GBF1: variants seen among roughly 807,000 people sequenced by gnomAD.
GBF1 encodes Golgi-specific brefeldin A-resistance guanine nucleotide exchange factor 1.
Under a neutral mutation model 210.5 loss-of-function variants are expected in GBF1, and 114 were observed. The observed-to-expected ratio is 0.54, with a 90% CI of 0.47 to 0.63. The LOEUF (loss-of-function observed/expected upper bound fraction) is 0.63, where lower values mean the gene tolerates loss of function less well. GBF1 is among the 30% of genes least tolerant of loss of function. The pLI is 0.00. For missense variants in GBF1, 1,851 were observed against 2,357.7 expected (o/e 0.79, Z 4.45); for synonymous variants, 850 against 889.2 (o/e 0.96, Z 0.78).
At chr10:102,318,823 A>G (rs1213437207) in intron 3 of GBF1, among the ~76,000 whole-genome samples, 2 of 152,204 alleles carry the variant, frequency 1.3e-5, no homozygotes, top group African/African-American at 4.8e-5. Flanking sequence ...TCCTACATGT[A>G]GATATAGCAC....
chr10:102,369,793 G>A lies in GBF1; in HGVS notation c.3215+18G>A. ...TCAAACCGGTAAGAGCAGACCAGAG[G>A]CTCAGGGGCTTGGGGAGGGAGAGTC... On this transcript the variant is annotated intron_variant, in intron 25 of 39. Transcript: ENST00000369983. 1.2e-6 allele frequency: 2 copies of A among 1,614,118 alleles called. No individual in the cohort carries two copies. Among genetic ancestry groups the A allele is most frequent in the Non-Finnish European group, 1.7e-6 (2 of 1,179,980 alleles).
chr10:102,262,936 C>T (rs952872167), intron 3 of GBF1, among the ~76,000 whole-genome samples: 4 of 152,092 alleles, frequency 2.6e-5, no homozygotes, highest in African/African-American at 9.7e-5. Flanking sequence ...TAAGCTTTCC[C>T]CTGGAGTGAG....
the GBF1 span, chr10:102,230,822 A>G: frequency 1.3e-6 from 2 of 1,572,222 alleles, no homozygotes; most frequent in Non-Finnish European, 1.7e-6. Flanking sequence ...GCCGCGGCGG[A>G]GGGCACCATG....
intron 5 of GBF1, 54 bp downstream of exon 5, chr10:102,351,428 ACTCT>A (rs1481108519): frequency 1.2e-5 from 11 of 925,172 alleles, no homozygotes; most frequent in Non-Finnish European, 2.0e-5. Flanking sequence ...GGTGCCGCAG[ACTCT>A]ACTTACTCTG....
chr10:102,364,184 T>C (rs1000909583), intron 17 of GBF1, among the ~76,000 whole-genome samples: 1 of 150,742 alleles, frequency 6.6e-6, no homozygotes, highest in African/African-American at 2.4e-5. Context: ...GTTCAAATAG[T>C]AAGGTTCAAA....
intron 27 of GBF1, 49 bp downstream of exon 27, chr10:102,370,294 G>C: frequency 6.8e-7 from 1 of 1,480,648 alleles, no homozygotes; most frequent in Non-Finnish European, 9.5e-7. Context: ...AATCTGGGAG[G>C]GGTGACAGGG....
At chr10:102,339,530 G>A (rs187434317) in intron 3 of GBF1, among the ~76,000 whole-genome samples, 363 of 151,486 alleles carry the variant, frequency 2.4e-3, no homozygotes, top group African/African-American at 6.7e-3. Context: ...AACTGGGCGT[G>A]GTGGCACGTT....
chr10:102,379,258 C>T (rs2060697578), intron 33 of GBF1, 26 bp from the exon 34 acceptor site: 1 of 1,607,264 alleles, frequency 6.2e-7, no homozygotes, highest in Admixed American at 1.7e-5. Context: ...ACCCCACTCA[C>T]ATCCTGCCCC....
chr10:102,379,236 C>T lies in GBF1; in HGVS notation c.4495-48C>T, dbSNP rs958470954. The T allele has an allele frequency of 5.7e-6, 9 of 1,573,108 alleles. No homozygotes were observed. In the Admixed American group the frequency reaches 1.0e-4, roughly 18 times the overall value. On this transcript the variant is annotated intron_variant, in intron 33 of 39. Transcript: ENST00000369983. ...AGTGAGTGGGGAGGGGGAAAGGGAT[C>T]CACGAGACCTAACCCCACTCACATC...
intron 17 of GBF1, among the ~76,000 whole-genome samples, chr10:102,364,111 C>A (rs1042048729): frequency 2.0e-5 from 3 of 152,024 alleles, no homozygotes; most frequent in Admixed American, 2.0e-4. Flanking sequence ...ACTGTCATCT[C>A]CAGCTCTTGC....
In GBF1 at chr10:102,363,120, T is replaced by A; in HGVS notation, c.1877-136T>A. ...GGGACAGGGACTACTTATTTTGGCT[T>A]GGGTTTGTCCTGCTCAGGGCTGGCG... On this transcript the variant is annotated intron_variant, in intron 15 of 39. Coordinates refer to ENST00000369983, the MANE Select transcript of GBF1 (RefSeq NM_001377137.1). The surrounding 1 kb of genome is among the most constrained non-coding windows in gnomAD (Gnocchi z 4.2). 1 of 663,100 alleles carries A rather than the reference T, an allele frequency of 1.5e-6. No homozygotes were observed. The highest frequency in any genetic ancestry group is 2.7e-5 in the East Asian group (1 of 37,176). 41.1% of individuals were successfully genotyped at this position (663,100 alleles called of 1,614,324 possible). A position where few individuals can be genotyped will look rare whatever the true frequency, so the allele number is the denominator to read the frequency against.
intron 3 of GBF1, among the ~76,000 whole-genome samples, chr10:102,334,917 GA>G: frequency 1.3e-5 from 2 of 151,208 alleles, no homozygotes; most frequent in South Asian, 4.2e-4. Context: ...GGGAAGACAA[GA>G]GGTGTGGGAC....
Position 102,366,580 on chromosome 10 carries a change from GTC to G in GBF1, c.2433+78_2433+79del. 3.8e-5 allele frequency: 37 copies of G among 982,602 alleles called. No homozygotes were observed. The highest frequency in any genetic ancestry group is 5.0e-5 in the Non-Finnish European group (34 of 685,852). 60.9% of individuals were successfully genotyped at this position (982,602 alleles called of 1,614,324 possible). On this transcript the variant is annotated intron_variant, in intron 19 of 39. Coordinates refer to ENST00000369983, the MANE Select transcript of GBF1 (RefSeq NM_001377137.1). This position sits in a 1 kb window ranked among gnomAD's most constrained non-coding sequence, Gnocchi z 4.0. ...CTGAGGGCTGAAGAATCCAGCTGCT[GTC>G]TCTTTTTTTTTTTTTTTTTTTTGAG... is the stretch of plus-strand genomic sequence containing the variant.
chr10:102,360,589 G>A (rs1201932587), intron 12 of GBF1, among the ~76,000 whole-genome samples, 194 bp downstream of exon 12: 1 of 152,204 alleles, frequency 6.6e-6, no homozygotes, highest in Admixed American at 6.5e-5. Flanking sequence ...GGAATGGCTA[G>A]ATGTAGAGTT....
chr10:102,303,592 G>T (rs2133869227), intron 3 of GBF1, among the ~76,000 whole-genome samples: 1 of 152,268 alleles, frequency 6.6e-6, no homozygotes, highest in Non-Finnish European at 1.5e-5. Context: ...ACCTGAGTGA[G>T]AACAGGTTAA....
the GBF1 span, among the ~76,000 whole-genome samples, chr10:102,239,854 C>T: frequency 6.6e-6 from 1 of 152,160 alleles, no homozygotes; most frequent in Non-Finnish European, 1.5e-5. Flanking sequence ...GGGCTGTATC[C>T]CAGCTGCAGG....
intron 3 of GBF1, among the ~76,000 whole-genome samples, chr10:102,329,264 G>A (rs1216245913): frequency 6.6e-6 from 1 of 152,184 alleles, no homozygotes; most frequent in African/African-American, 2.4e-5. Context: ...GCCAGTCCCT[G>A]TGGGCCTCAT....
intron 14 of GBF1, 25 bp downstream of exon 14, chr10:102,361,937 T>C: frequency 6.8e-7 from 1 of 1,481,036 alleles, no homozygotes; most frequent in Non-Finnish European, 9.1e-7. Context: ...AACTGGCTTC[T>C]AGGAAAAAAC....
Position 102,365,550 on chromosome 10 carries a change from G to T in GBF1, c.2260G>T (p.Glu754Ter), listed in dbSNP as rs1286008233. The change falls in exon 18 of 40, where the codon GAG (glutamate) becomes TAG (stop). Residue 754 changes from glutamate to a stop codon, truncating the protein, a stop_gained. Transcript: ENST00000369983. LOFTEE classifies it high-confidence loss of function. ...TCGGCTGGACAAGAAGATGATTGGA[G>T]AGTTTGTGAGTGACCGCAAAAACAT... is the stretch of plus-strand genomic sequence containing the variant. ...NPRLDKKMIG[E>*]FVSDRKNIDL... is the part of the protein sequence containing the mutation. The T allele has an allele frequency of 6.2e-7, 1 of 1,614,084 alleles. No individual in the cohort carries two copies. Among genetic ancestry groups the T allele is most frequent in the Non-Finnish European group, 8.5e-7 (1 of 1,180,040 alleles).
Sources: gnomAD v4.1 joint callset for allele counts (sites outside exome capture counted in the v4.1 genomes callset) on GRCh38, gnomAD v4.1.1 for gene constraint, Gnocchi (gnomAD v3.1) non-coding constraint, MANE v1.5 for transcripts, NCBI Gene and HGNC (gene_info 2026-07-23, HGNC 2026-07-21) for gene names.